The following GAS2L3 variants were observed in gnomAD, a reference collection of about 807,000 sequenced individuals.
GAS2L3 encodes GAS2-like protein 3.
In GAS2L3, 28 loss-of-function variants were observed where a neutral mutation model predicts 37.0. The ratio of observed to expected loss-of-function variants is 0.76; its 90% confidence interval spans 0.56 to 1.04. The LOEUF is 1.04. GAS2L3 is among the 50% of genes least tolerant of loss of function. The pLI is 0.00. For missense variants in GAS2L3, 793 were observed against 817.6 expected, an observed-to-expected ratio of 0.97 and a Z score of 0.37; for synonymous variants, 290 against 296.6, an observed-to-expected ratio of 0.98 and a Z score of 0.23.
rs914030652 is a variant in GAS2L3 at position 100,628,177 on chromosome 12, A to G, written c.*3287A>G. ...GATGTAGTCTTACATCCAGGTTCAC[A>G]TAATAACCCCATTTGAATCCAAATT... On this transcript the variant is annotated 3_prime_UTR_variant, in exon 10 of 10. Coordinates refer to ENST00000547754, the MANE Select transcript of GAS2L3 (RefSeq NM_174942.3). 2.6e-5 allele frequency: 4 copies of G among 152,240 alleles called. No individual in the cohort carries two copies. The highest frequency in any genetic ancestry group is 6.5e-5 in the Admixed American group (1 of 15,286). 9.4% of individuals were successfully genotyped at this position (152,240 alleles called of 1,614,324 possible).
chr12:100,623,899 G>A lies in GAS2L3; in HGVS notation c.1094G>A (p.Gly365Asp). 6.2e-7 allele frequency: 1 copy of A among 1,614,020 alleles called. No individual in the cohort carries two copies. The highest frequency in any genetic ancestry group is 8.5e-7 in the Non-Finnish European group (1 of 1,179,990). Reference protein sequence around the residue: ...PASSLKGGNLGSMSVRSKLPN... With the variant: ...PASSLKGGNLDSMSVRSKLPN... ...TCTTCACTGAAAGGAGGTAATCTGGGCTCTATGTCAGTCCGTTCTAAATTG... is the reference window on the plus strand; with the variant it reads ...TCTTCACTGAAAGGAGGTAATCTGGACTCTATGTCAGTCCGTTCTAAATTG... The change falls in exon 10 of 10, where the codon GGC becomes GAC. Residue 365 changes from glycine to aspartate, a missense_variant. By Grantham distance (94) the Gly-to-Asp change is moderately conservative. Transcript: ENST00000547754.
intron 5 of GAS2L3, among the ~76,000 whole-genome samples, chr12:100,606,611 G>A (rs1253299339): frequency 6.6e-6 from 1 of 151,610 alleles, no homozygotes; most frequent in Non-Finnish European, 1.5e-5. Context: ...ATTTTCTCTG[G>A]TGGTATGCTT....
intron 6 of GAS2L3, among the ~76,000 whole-genome samples, chr12:100,613,448 A>C (rs574904678): frequency 2.0e-5 from 3 of 152,278 alleles, no homozygotes; most frequent in South Asian, 2.1e-4. Context: ...TTAGAAAAAC[A>C]AATCTAGTAA....
At chr12:100,579,567 G>T in intron 1 of GAS2L3, 1 of 773,508 alleles carries the variant, frequency 1.3e-6, no homozygotes, top group Non-Finnish European at 2.4e-6. Context: ...AGAAGTTCCG[G>T]AAAGATACCA....
At chr12:100,600,636 G>T in intron 4 of GAS2L3, 86 bp downstream of exon 4, 1 of 1,056,834 alleles carries the variant, frequency 9.5e-7, no homozygotes. Context: ...AGGAGTGATT[G>T]TTACAGATGC....
chr12:100,576,346 G>A (rs1955636759), intron 1 of GAS2L3, among the ~76,000 whole-genome samples: 1 of 152,112 alleles, frequency 6.6e-6, no homozygotes, highest in Non-Finnish European at 1.5e-5. Context: ...TGTTGATGAT[G>A]AGGAAAGTAA....
intron 3 of GAS2L3, among the ~76,000 whole-genome samples, chr12:100,597,880 A>G (rs1489710370): frequency 6.6e-6 from 1 of 152,082 alleles, no homozygotes; most frequent in Non-Finnish European, 1.5e-5. Context: ...TTTTAAGAGG[A>G]AAATGGTCTA....
chr12:100,575,152 T>G (rs1349344572), intron 1 of GAS2L3, among the ~76,000 whole-genome samples: 1 of 152,260 alleles, frequency 6.6e-6, no homozygotes, highest in East Asian at 1.9e-4. Context: ...TTGTAAAGAT[T>G]AAATGAAATT....
At chr12:100,574,127 C>T (rs1955606547) in intron 1 of GAS2L3, 1 of 152,282 alleles carries the variant, frequency 6.6e-6, no homozygotes, top group Non-Finnish European at 1.5e-5. Flanking sequence ...CGCTACTCGC[C>T]CTGCTTTAAA....
rs181436154 is a variant in GAS2L3 at position 100,594,224 on chromosome 12, T to C, written c.-30-651T>C. On this transcript the variant is annotated intron_variant, in intron 2 of 9. Transcript: ENST00000547754. ...CTTCACTTTTATCCCTTTGAAAATA[T>C]AGGAAAGAATTGCATTTACCTAATT... 4.0e-3 allele frequency among the ~76,000 whole-genome samples: 601 copies of C among 152,104 alleles called. 5 individuals are homozygous for C. Among genetic ancestry groups the C allele is most frequent in the Middle Eastern group, 0.01 (3 of 294 alleles).
intron 3 of GAS2L3, among the ~76,000 whole-genome samples, chr12:100,595,684 C>T (rs2136443175): frequency 6.6e-6 from 1 of 152,024 alleles, no homozygotes; most frequent in East Asian, 1.9e-4. Context: ...CCTAGTTCTG[C>T]CCCTTTGATT....
chr12:100,609,961 C>T (rs1956106157), intron 5 of GAS2L3, among the ~76,000 whole-genome samples: 1 of 152,126 alleles, frequency 6.6e-6, no homozygotes, highest in Admixed American at 6.5e-5. Flanking sequence ...TCTTTCCTGC[C>T]CTCTTCAATG....
intron 5 of GAS2L3, among the ~76,000 whole-genome samples, chr12:100,606,109 G>A (rs758910622): frequency 6.6e-6 from 1 of 151,930 alleles, no homozygotes; most frequent in South Asian, 2.1e-4. Context: ...AGCTGTTACT[G>A]TATTGGAGTC....
chr12:100,584,505 A>G (rs1955753286), intron 1 of GAS2L3, among the ~76,000 whole-genome samples: 1 of 151,620 alleles, frequency 6.6e-6, no homozygotes, highest in African/African-American at 2.4e-5. Context: ...GACAATTTTT[A>G]TCTCCTCCTG....
At chr12:100,595,605 A>G (rs1955902478) in intron 3 of GAS2L3, among the ~76,000 whole-genome samples, 1 of 152,054 alleles carries the variant, frequency 6.6e-6, no homozygotes, top group Admixed American at 6.6e-5. Context: ...CCTGGAAAGA[A>G]GCAAGCAACT....
At chr12:100,602,897 T>C (rs1007647091) in intron 5 of GAS2L3, among the ~76,000 whole-genome samples, 1 of 152,186 alleles carries the variant, frequency 6.6e-6, no homozygotes, top group Non-Finnish European at 1.5e-5. Context: ...CATGTGGTGA[T>C]TGTCTTTCTG....
In GAS2L3 at chr12:100,600,514, C is replaced by G; in HGVS notation, c.151C>G (p.Gln51Glu). The G allele has an allele frequency of 1.2e-6, 2 of 1,613,766 alleles. No homozygotes were observed. Among genetic ancestry groups the G allele is most frequent in the Non-Finnish European group, 1.7e-6 (2 of 1,179,816 alleles). ...GCATGAAGCCACTTTGTTGCCCATG[C>G]AAGAAGATCTGTCAATCTGGTTATC... ...VRHEATLLPM[Q>E]EDLSIWLSGL... The change falls in exon 4 of 10, where the codon CAA (glutamine) becomes GAA (glutamate). Residue 51 changes from glutamine to glutamate, a missense_variant. Physicochemically the swap from Gln to Glu is conservative, Grantham distance 29. Coordinates refer to ENST00000547754, the MANE Select transcript of GAS2L3 (RefSeq NM_174942.3).
rs931893554 is a variant in GAS2L3, at chr12:100,626,741, G to C, written c.*1851G>C. 5 of 152,150 alleles carry C rather than the reference G, an allele frequency of 3.3e-5. No homozygotes were observed. Among genetic ancestry groups the C allele is most frequent in the Admixed American group, 6.5e-5 (1 of 15,268 alleles). The allele number at this position is 152,150 out of a possible 1,614,324, so 9.4% of individuals were successfully genotyped here. A position where few individuals can be genotyped will look rare whatever the true frequency, so the allele number is the denominator to read the frequency against. On this transcript the variant is annotated 3_prime_UTR_variant, in exon 10 of 10. Coordinates refer to ENST00000547754, the MANE Select transcript of GAS2L3 (RefSeq NM_174942.3). ...GTTGTTTACAGTATATAAACACTAA[G>C]TTTTGTGTTAAATGTGATCAGGAAT...
At chr12:100,578,074 C>T (rs1042200435) in intron 1 of GAS2L3, among the ~76,000 whole-genome samples, 3 of 152,200 alleles carry the variant, frequency 2.0e-5, no homozygotes, top group African/African-American at 7.2e-5. Flanking sequence ...GTGAAAAAAT[C>T]ATTCTGGCTG....
Sources: allele counts gnomAD v4.1 joint callset (sites outside exome capture counted in the v4.1 genomes callset), GRCh38; gene constraint gnomAD v4.1.1; transcripts MANE v1.5; gene names NCBI Gene and HGNC (gene_info 2026-07-23, HGNC 2026-07-21).